ASTN2: variants seen among roughly 807,000 people sequenced by gnomAD.
ASTN2 encodes astrotactin-2.
In ASTN2, 54 loss-of-function variants were observed where a neutral mutation model predicts 139.8. The observed-to-expected ratio is 0.39, with a 90% CI of 0.31 to 0.48. The LOEUF is 0.48. ASTN2 is among the 20% of genes least tolerant of loss of function. ASTN2 has a pLI of 0.95. For synonymous variants in ASTN2, 756 were observed against 719.5 expected (o/e 1.05, Z -0.81); for missense variants, 1,565 against 1,725.1 (o/e 0.91, Z 1.64).
chr9:116,650,742 C>T (rs529984592), intron 17 of ASTN2, among the ~76,000 whole-genome samples: 3 of 152,198 alleles, frequency 2.0e-5, no homozygotes, highest in African/African-American at 7.2e-5. Context: ...CAGGTATGGA[C>T]AATGGCTGAG....
chr9:116,888,044 T>C (rs1201288733), intron 10 of ASTN2, among the ~76,000 whole-genome samples: 1 of 152,214 alleles, frequency 6.6e-6, no homozygotes, highest in African/African-American at 2.4e-5. Flanking sequence ...ATATATATTT[T>C]TCATATATCA....
intron 11 of ASTN2, among the ~76,000 whole-genome samples, chr9:116,863,300 G>A (rs1306519004): frequency 6.6e-6 from 1 of 152,234 alleles, no homozygotes; most frequent in Non-Finnish European, 1.5e-5. Flanking sequence ...CAAATGGACT[G>A]TAAGCTTCTG....
intron 6 of ASTN2, among the ~76,000 whole-genome samples, chr9:117,017,123 G>T (rs1007576392): frequency 6.6e-6 from 1 of 151,966 alleles, no homozygotes; most frequent in African/African-American, 2.4e-5. Flanking sequence ...CAGCAGTTTG[G>T]TACCAAACTA....
Position 116,652,406 on chromosome 9 carries a change from T to G in ASTN2, c.2807-613A>C, listed in dbSNP as rs537807950. Reference sequence around the variant, plus strand: ...GGGCTAGATTATTATTCAATAATTTTGCAAGATATAAATATTCAAAGATAT... The same window carrying G: ...GGGCTAGATTATTATTCAATAATTTGGCAAGATATAAATATTCAAAGATAT... On this transcript the variant is annotated intron_variant, in intron 16 of 22. Coordinates refer to ENST00000313400, the MANE Select transcript of ASTN2 (RefSeq NM_001365068.1). Among the ~76,000 whole-genome samples, 5 of 152,332 alleles carry G rather than the reference T, an allele frequency of 3.3e-5. No individual in the cohort carries two copies. The South Asian group carries it at 1.0e-3, about 32-fold the overall frequency.
chr9:117,063,847 T>C lies in ASTN2; in HGVS notation c.1277-23882A>G, dbSNP rs1262627551. Among the ~76,000 whole-genome samples the C allele has an allele frequency of 3.3e-5, 5 of 152,142 alleles. No individual in the cohort carries two copies. In the South Asian group the frequency reaches 1.0e-3, roughly 32 times the overall value. The stretch of plus-strand genomic sequence containing the variant: ...CCTAAGGGTTGTAGCAAAACCTTAC[T>C]GGGGTGTTGTGAGCCACAGGACCAC... On this transcript the variant is annotated intron_variant, in intron 5 of 22. Coordinates refer to ENST00000313400, the MANE Select transcript of ASTN2 (RefSeq NM_001365068.1).
At chr9:116,760,191 C>T (rs1420465931) in intron 13 of ASTN2, among the ~76,000 whole-genome samples, 1 of 152,208 alleles carries the variant, frequency 6.6e-6, no homozygotes, top group Non-Finnish European at 1.5e-5. Context: ...CCAAAACTTC[C>T]CTGGGCTGGG....
intron 10 of ASTN2, among the ~76,000 whole-genome samples, chr9:116,931,525 T>C (rs1834898028): frequency 1.3e-5 from 2 of 152,218 alleles, no homozygotes; most frequent in Admixed American, 6.5e-5. Context: ...TATAGTTAAC[T>C]ACATTGAGCA....
intron 22 of ASTN2, among the ~76,000 whole-genome samples, chr9:116,430,795 T>G (rs1847472127): frequency 6.6e-6 from 1 of 151,910 alleles, no homozygotes; most frequent in African/African-American, 2.4e-5. Context: ...GAGAGAAGGG[T>G]TGGAGGTGCT....
chr9:116,784,850 AC>A (rs956049306), intron 13 of ASTN2, among the ~76,000 whole-genome samples: 1 of 150,970 alleles, frequency 6.6e-6, no homozygotes, highest in Admixed American at 6.6e-5. Flanking sequence ...AATCACTTGA[AC>A]CAGGGAGGTG....
At chr9:116,825,419 C>T (rs34682454) in intron 11 of ASTN2, among the ~76,000 whole-genome samples, 33,802 of 152,138 alleles carry the variant, frequency 0.22, 4,248 homozygotes, top group Admixed American at 0.29. Flanking sequence ...AATAAATTAA[C>T]CAAAACCCCA....
intron 1 of ASTN2, among the ~76,000 whole-genome samples, chr9:117,346,498 A>T (rs2130872959): frequency 6.6e-6 from 1 of 152,282 alleles, no homozygotes; most frequent in African/African-American, 2.4e-5. Context: ...ACCTGTGCTT[A>T]TTTGCTACAA....
intron 19 of ASTN2, 103 bp downstream of exon 19, chr9:116,618,221 G>A (rs953196396): frequency 8.2e-6 from 10 of 1,222,994 alleles, no homozygotes; most frequent in Non-Finnish European, 1.1e-5. Flanking sequence ...ATCTTCCAAT[G>A]CCTTCCCAAG....
intron 17 of ASTN2, among the ~76,000 whole-genome samples, chr9:116,643,382 G>A (rs566596829): frequency 3.3e-5 from 5 of 152,262 alleles, no homozygotes; most frequent in African/African-American, 1.2e-4. Flanking sequence ...ACTGTTTTCT[G>A]TAGCTACTAC....
At chr9:116,658,733 CTTTTTTT>C (rs71502074) in intron 16 of ASTN2, among the ~76,000 whole-genome samples, 3 of 101,132 alleles carry the variant, frequency 3.0e-5, no homozygotes, top group South Asian at 4.3e-4. Context: ...GACCACCGCT[CTTTTTTT>C]TTTTTTTTTT....
At chr9:116,449,193 C>T (rs1338829875) in intron 20 of ASTN2, among the ~76,000 whole-genome samples, 1 of 152,096 alleles carries the variant, frequency 6.6e-6, no homozygotes, top group Non-Finnish European at 1.5e-5. Context: ...ATTGCATGAG[C>T]CCAGGAGTTC....
intron 10 of ASTN2, among the ~76,000 whole-genome samples, chr9:116,960,725 CAGTTTAGAGATGAAGGA>C (rs1835853726): frequency 6.6e-6 from 1 of 152,048 alleles, no homozygotes; most frequent in African/African-American, 2.4e-5. Context: ...CTTTAAAATC[CAGTTTAGAGATGAAGGA>C]AGTGAAGATT....
At chr9:117,103,240 G>A (rs1259752092) in intron 4 of ASTN2, among the ~76,000 whole-genome samples, 1 of 152,300 alleles carries the variant, frequency 6.6e-6, no homozygotes, top group African/African-American at 2.4e-5. Context: ...ATTTATTGGA[G>A]TTTGCTTTCT....
In ASTN2 at chr9:117,380,696, T is replaced by C. The variant is rs143610164; in HGVS notation, c.442+33801A>G. On this transcript the variant is annotated intron_variant, in intron 1 of 22. Transcript: ENST00000313400. Reference sequence around the variant, plus strand: ...TGATATATGATGTGGGTCTAAAGGATAGGTAAGCATGAACTAGGCAAATGA... The same window carrying C: ...TGATATATGATGTGGGTCTAAAGGACAGGTAAGCATGAACTAGGCAAATGA... Among the ~76,000 whole-genome samples, 260 of 151,542 alleles carry C rather than the reference T, an allele frequency of 1.7e-3. 1 individual carries two copies. Among genetic ancestry groups the C allele is most frequent in the African/African-American group, 5.7e-3 (237 of 41,226 alleles).
intron 3 of ASTN2, among the ~76,000 whole-genome samples, chr9:117,209,397 A>G (rs1422121242): frequency 2.0e-5 from 3 of 152,144 alleles, no homozygotes; most frequent in Non-Finnish European, 4.4e-5. Flanking sequence ...AGTGAGAACA[A>G]GTAGCTGGAA....
Sources: gnomAD v4.1 joint callset for allele counts (sites outside exome capture counted in the v4.1 genomes callset) on GRCh38, gnomAD v4.1.1 for gene constraint, MANE v1.5 for transcripts, NCBI Gene and HGNC (gene_info 2026-07-23, HGNC 2026-07-21) for gene names.